MTUS2: variants seen among roughly 807,000 people sequenced by gnomAD.
The protein encoded by MTUS2 is microtubule associated scaffold protein 2, also known as microtubule-associated tumor suppressor candidate 2.
MTUS2 carries 40 observed loss-of-function variants against 114.1 expected under a neutral mutation model. The observed-to-expected ratio is 0.35, with a 90% CI of 0.27 to 0.46. MTUS2 has a LOEUF of 0.46. MTUS2 is among the 20% of genes least tolerant of loss of function. MTUS2 has a pLI of 1.00. For missense variants in MTUS2, 1,679 were observed against 1,705.4 expected, an observed-to-expected ratio of 0.98 and a Z score of 0.27; for synonymous variants, 688 against 672.0, an observed-to-expected ratio of 1.02 and a Z score of -0.37.
intron 8 of MTUS2, among the ~76,000 whole-genome samples, chr13:29,372,814 G>C (rs953998662): frequency 6.6e-6 from 1 of 152,126 alleles, no homozygotes; most frequent in Non-Finnish European, 1.5e-5. Flanking sequence ...AACTAAGCAA[G>C]GGATCCGAAA....
At chr13:28,853,363 C>G (rs746577092) in intron 2 of MTUS2, among the ~76,000 whole-genome samples, 1 of 152,246 alleles carries the variant, frequency 6.6e-6, no homozygotes, top group Non-Finnish European at 1.5e-5. Context: ...TATTCCTCTT[C>G]TCTAGAACGG....
intron 2 of MTUS2, among the ~76,000 whole-genome samples, chr13:28,931,080 C>G (rs974664459): frequency 7.9e-5 from 12 of 152,098 alleles, no homozygotes; most frequent in East Asian, 3.9e-4. Flanking sequence ...AGTTTTTCAC[C>G]CTCTGTTATG....
chr13:28,991,126 G>A (rs74041685), intron 2 of MTUS2, among the ~76,000 whole-genome samples: 2,694 of 152,260 alleles, frequency 0.018, 82 homozygotes, highest in African/African-American at 0.061. Context: ...ACATGAGGCA[G>A]GGGACCCAGT....
rs543814680 is a variant in MTUS2 at position 29,099,153 on chromosome 13, T to G, written c.2447-1620T>G. Among the ~76,000 whole-genome samples the G allele has an allele frequency of 5.9e-5, 9 of 152,350 alleles. No individual in the cohort carries two copies. The South Asian group carries it at 1.9e-3, about 32-fold the overall frequency. ...ATGTGAGAACAACAATGTGAAGTCATTAAACGTGGCATAAATTGCTGATAC... is the reference window on the plus strand; with the variant it reads ...ATGTGAGAACAACAATGTGAAGTCAGTAAACGTGGCATAAATTGCTGATAC... On this transcript the variant is annotated intron_variant, in intron 4 of 15. Coordinates refer to ENST00000612955, the MANE Select transcript of MTUS2 (RefSeq NM_001033602.4).
intron 1 of MTUS2, among the ~76,000 whole-genome samples, chr13:28,836,294 A>C (rs987033393): frequency 5.3e-5 from 8 of 152,172 alleles, no homozygotes; most frequent in Admixed American, 1.3e-4. Flanking sequence ...CTCATTGGCC[A>C]CCCCTTGCTG....
chr13:29,127,272 GT>G (rs1891560552), intron 5 of MTUS2, among the ~76,000 whole-genome samples: 1 of 152,152 alleles, frequency 6.6e-6, no homozygotes, highest in Non-Finnish European at 1.5e-5. Context: ...GGGTTGGTCA[GT>G]TTTCTGTGTC....
intron 12 of MTUS2, among the ~76,000 whole-genome samples, chr13:29,494,896 C>T (rs923584469): frequency 3.1e-4 from 47 of 151,744 alleles, no homozygotes; most frequent in African/African-American, 1.1e-3. Context: ...AAAAATTAGT[C>T]GGATGTGGGT....
chr13:29,055,832 T>G (rs1444821541), intron 4 of MTUS2, among the ~76,000 whole-genome samples: 1 of 138,414 alleles, frequency 7.2e-6, no homozygotes, highest in Non-Finnish European at 1.6e-5. Context: ...TTTTCATGGA[T>G]TTGTTGGCTG....
Position 28,945,919 on chromosome 13 carries a change from G to A in MTUS2, c.-242-78538G>A, listed in dbSNP as rs1593322023. Among the ~76,000 whole-genome samples the A allele has an allele frequency of 2.6e-5, 4 of 152,118 alleles. No homozygotes were observed. The South Asian group carries it at 8.3e-4, about 31-fold the overall frequency. ...AGGCAATGTCCAGAAGAGTTTTCTG[G>A]TAGGTACTCTTTTGAAAATGTATGT... On this transcript the variant is annotated intron_variant, in intron 2 of 15. Transcript: ENST00000612955.
chr13:29,197,316 C>T (rs1460999983), intron 5 of MTUS2, among the ~76,000 whole-genome samples: 6 of 151,962 alleles, frequency 3.9e-5, no homozygotes, highest in African/African-American at 7.3e-5. Context: ...TGAGAACATG[C>T]GGTGGTTGGT....
chr13:29,379,887 A>C (rs531569898), intron 8 of MTUS2, among the ~76,000 whole-genome samples: 1 of 152,344 alleles, frequency 6.6e-6, no homozygotes, highest in South Asian at 2.1e-4. Flanking sequence ...GAAAAATAAA[A>C]TTGTACTTTT....
At chr13:29,122,496 TCATGAGAACAG>T (rs1462660468) in intron 5 of MTUS2, among the ~76,000 whole-genome samples, 1 of 152,180 alleles carries the variant, frequency 6.6e-6, no homozygotes, top group Non-Finnish European at 1.5e-5. Context: ...TCACTCACTA[TCATGAGAACAG>T]CATGAGGATA....
At chr13:29,001,064 C>T (rs1440789239) in intron 2 of MTUS2, among the ~76,000 whole-genome samples, 1 of 152,226 alleles carries the variant, frequency 6.6e-6, no homozygotes, top group Non-Finnish European at 1.5e-5. Context: ...ATGCTTATCT[C>T]TCATTCCCTC....
intron 2 of MTUS2, among the ~76,000 whole-genome samples, chr13:28,880,245 T>C (rs1878210045): frequency 6.6e-6 from 1 of 152,224 alleles, no homozygotes; most frequent in South Asian, 2.1e-4. Context: ...CTCATTTCCT[T>C]CCTGTCTACT....
intron 5 of MTUS2, among the ~76,000 whole-genome samples, chr13:29,175,206 T>C (rs1350350589): frequency 6.6e-6 from 1 of 152,208 alleles, no homozygotes; most frequent in Non-Finnish European, 1.5e-5. Context: ...ACTGTAAATA[T>C]AAAGTCTAAA....
In MTUS2 at chr13:29,497,341, T is replaced by C; in HGVS notation, c.3678+5T>C. The C allele has an allele frequency of 6.2e-7, 1 of 1,608,808 alleles. No homozygotes were observed. Among genetic ancestry groups the C allele is most frequent in the South Asian group, 1.1e-5 (1 of 90,368 alleles). On this transcript the variant is annotated splice_donor_5th_base_variant and intron_variant, in intron 13 of 15. Transcript: ENST00000612955. Reference sequence around the variant, plus strand: ...AACACAGAGGAGCAGCTGGAGGTCGTTTCTGGATTCCAGGCTTCCAGCCCC... The same window carrying C: ...AACACAGAGGAGCAGCTGGAGGTCGCTTCTGGATTCCAGGCTTCCAGCCCC...
intron 8 of MTUS2, among the ~76,000 whole-genome samples, chr13:29,377,409 T>C (rs1169548884): frequency 6.6e-6 from 1 of 152,188 alleles, no homozygotes; most frequent in East Asian, 1.9e-4. Flanking sequence ...TGACATACTT[T>C]GTTGTACAAA....
intron 13 of MTUS2, chr13:29,497,797 T>G (rs906385041): frequency 5.6e-6 from 1 of 177,026 alleles, no homozygotes; most frequent in Non-Finnish European, 1.2e-5. Flanking sequence ...GGACACCCAG[T>G]TAAACTTGAA....
chr13:29,391,643 GT>G (rs35184621), intron 8 of MTUS2, among the ~76,000 whole-genome samples: 76,341 of 148,732 alleles, frequency 0.51, 20,303 homozygotes, highest in Admixed American at 0.61. Context: ...TTTTTAAAAT[GT>G]TTTTTTTTTT....
Sources: allele counts gnomAD v4.1 joint callset (sites outside exome capture counted in the v4.1 genomes callset), GRCh38; gene constraint gnomAD v4.1.1; transcripts MANE v1.5; gene names NCBI Gene and HGNC (gene_info 2026-07-23, HGNC 2026-07-21).